The following KLHL28 variants were observed in gnomAD, a reference collection of about 807,000 sequenced individuals.
KLHL28 encodes kelch like family member 28, also known as kelch-like protein 28.
A neutral mutation model predicts 48.3 loss-of-function variants in KLHL28; 22 were observed. The observed-to-expected ratio is 0.46, with a 90% CI of 0.33 to 0.65. The LOEUF is 0.65. Among genes scored for constraint, KLHL28 ranks in the 30% least tolerant of loss-of-function variants. The pLI is 0.03. For synonymous variants in KLHL28, 243 were observed against 242.4 expected (o/e 1.00, Z -0.02); for missense variants, 527 against 704.3 (o/e 0.75, Z 2.85).
intron 2 of KLHL28, among the ~76,000 whole-genome samples, chr14:44,938,592 A>C (rs900992908): frequency 6.6e-6 from 1 of 152,154 alleles, no homozygotes; most frequent in Non-Finnish European, 1.5e-5. Context: ...GGATGGTCTC[A>C]ATCTCCTGAC....
intron 1 of KLHL28, among the ~76,000 whole-genome samples, chr14:44,948,908 G>A (rs1480090285): frequency 2.6e-5 from 4 of 151,884 alleles, no homozygotes; most frequent in East Asian, 1.9e-4. Flanking sequence ...TCAATTATAC[G>A]TGTTGCTCTG....
intron 2 of KLHL28, among the ~76,000 whole-genome samples, chr14:44,942,844 G>T: frequency 6.6e-6 from 1 of 152,116 alleles, no homozygotes; most frequent in South Asian, 2.1e-4. Flanking sequence ...TATCTTGATC[G>T]TTGCATAAAC....
In KLHL28 at chr14:44,934,351, T is replaced by C. The variant is rs929674858; in HGVS notation, c.1107A>G (p.Leu369=). ...WNPDTNTWTS[L]ERMNESRSTL... ...TACTTCGGCTTTCATTCATTCTCTC[T>C]AGAGAAGTCCAAGTATTTGTATCAG... Residue 369 remains leucine, a synonymous_variant, in exon 3 of 5, where the codon CTA becomes CTG. Coordinates refer to ENST00000396128, the MANE Select transcript of KLHL28 (RefSeq NM_017658.5). 1 of 1,614,100 alleles carries C rather than the reference T, an allele frequency of 6.2e-7. No individual in the cohort carries two copies. The highest frequency in any genetic ancestry group is 8.5e-7 in the Non-Finnish European group (1 of 1,179,956).
intron 2 of KLHL28, among the ~76,000 whole-genome samples, chr14:44,941,187 CT>C (rs1884058412): frequency 6.6e-6 from 1 of 152,168 alleles, no homozygotes; most frequent in Admixed American, 6.5e-5. Context: ...AAAACTTCCC[CT>C]GATGCTATCA....
chr14:44,935,051 G>T (rs1046563036), intron 2 of KLHL28, among the ~76,000 whole-genome samples: 2 of 152,104 alleles, frequency 1.3e-5, no homozygotes, highest in African/African-American at 4.8e-5. Context: ...AGTATTATTT[G>T]TAACAGCTCC....
At position 44,926,806 on chromosome 14, in the gene KLHL28, C is replaced by T. The variant is rs964595746; in HGVS notation, c.*2222G>A. 1.3e-5 allele frequency: 2 copies of T among 152,264 alleles called. No homozygotes were observed. Among genetic ancestry groups the T allele is most frequent in the East Asian group, 3.9e-4 (2 of 5,184 alleles). The allele number at this position is 152,264 out of a possible 1,614,324, so 9.4% of individuals were successfully genotyped here. Reference sequence around the variant, plus strand: ...TACAGGCGTGAGCCACTGCGCCCGTCCTAAAATCATTTTCCACAGTCTTTC... The same window carrying T: ...TACAGGCGTGAGCCACTGCGCCCGTTCTAAAATCATTTTCCACAGTCTTTC... On this transcript the variant is annotated 3_prime_UTR_variant, in exon 5 of 5. Coordinates refer to ENST00000396128, the MANE Select transcript of KLHL28 (RefSeq NM_017658.5).
At chr14:44,932,114 C>T (rs767488600) in intron 3 of KLHL28, among the ~76,000 whole-genome samples, 8 of 151,126 alleles carry the variant, frequency 5.3e-5, no homozygotes, top group East Asian at 2.0e-4. Flanking sequence ...CCTCAAATTC[C>T]GGGGCTAAAG....
intron 2 of KLHL28, among the ~76,000 whole-genome samples, chr14:44,940,926 CCT>C (rs1368724144): frequency 3.9e-5 from 6 of 152,014 alleles, no homozygotes; most frequent in Non-Finnish European, 5.9e-5. Flanking sequence ...ATGGTGAAAC[CCT>C]GTTTCTACCC....
At chr14:44,942,606 T>G (rs1471815448) in intron 2 of KLHL28, among the ~76,000 whole-genome samples, 2 of 152,176 alleles carry the variant, frequency 1.3e-5, no homozygotes, top group Non-Finnish European at 2.9e-5. Context: ...TTGACACTTC[T>G]TGGTTAGAAC....
At chr14:44,933,486 C>G (rs929355627) in intron 3 of KLHL28, among the ~76,000 whole-genome samples, 2 of 151,796 alleles carry the variant, frequency 1.3e-5, no homozygotes, top group Non-Finnish European at 2.9e-5. Flanking sequence ...AAAGATAAAA[C>G]CTTTGGAACA....
At chr14:44,946,036 C>T (rs1884321615) in intron 1 of KLHL28, 108 bp from the exon 2 acceptor site, 1 of 918,502 alleles carries the variant, frequency 1.1e-6, no homozygotes, top group Non-Finnish European at 1.6e-6. Context: ...TTTGTCTGTT[C>T]ATTGGTTTTT....
chr14:44,940,270 A>G (rs1022923592), intron 2 of KLHL28, among the ~76,000 whole-genome samples: 32 of 152,170 alleles, frequency 2.1e-4, no homozygotes, highest in Admixed American at 6.5e-5. Flanking sequence ...ATCTCTTAAC[A>G]TTGTTCCAAC....
intron 1 of KLHL28, among the ~76,000 whole-genome samples, chr14:44,955,128 G>A (rs115193922): frequency 1.0e-3 from 154 of 151,814 alleles, no homozygotes; most frequent in African/African-American, 3.6e-3. Context: ...AGAAGGTAAC[G>A]ACATAACACT....
At chr14:44,934,659 A>T (rs2138591809) in intron 2 of KLHL28, 101 bp from the exon 3 acceptor site, 1 of 890,616 alleles carries the variant, frequency 1.1e-6, no homozygotes. Context: ...AAAAATTAAA[A>T]GCACAATAAA....
intron 1 of KLHL28, among the ~76,000 whole-genome samples, chr14:44,956,201 T>A (rs1884788154): frequency 6.6e-6 from 1 of 152,190 alleles, no homozygotes; most frequent in South Asian, 2.1e-4. Context: ...TCTTAAGCGA[T>A]CCTCCCACCT....
At chr14:44,950,154 C>T (rs553785418) in intron 1 of KLHL28, among the ~76,000 whole-genome samples, 6 of 152,180 alleles carry the variant, frequency 3.9e-5, no homozygotes, top group Admixed American at 1.3e-4. Flanking sequence ...GAGGATTAAA[C>T]GAGTTTATAC....
chr14:44,934,052 T>C, intron 3 of KLHL28, 63 bp downstream of exon 3: 1 of 1,316,868 alleles, frequency 7.6e-7, no homozygotes, highest in East Asian at 2.4e-5. Flanking sequence ...AACTCAGAAA[T>C]CATTGCTAAT....
chr14:44,942,482 T>C (rs1884142931), intron 2 of KLHL28, among the ~76,000 whole-genome samples: 1 of 152,070 alleles, frequency 6.6e-6, no homozygotes, highest in Non-Finnish European at 1.5e-5. Flanking sequence ...ATGATACAAA[T>C]CTAATAATTT....
In KLHL28 at chr14:44,926,738, C is replaced by G. The variant is rs1883385299; in HGVS notation, c.*2290G>C. The G allele has an allele frequency of 6.6e-6, 1 of 152,186 alleles. No individual in the cohort carries two copies. The highest frequency in any genetic ancestry group is 6.6e-5 in the Admixed American group (1 of 15,260). 9.4% of individuals were successfully genotyped at this position (152,186 alleles called of 1,614,324 possible). A position where few individuals can be genotyped will look rare whatever the true frequency, so the allele number is the denominator to read the frequency against. ...GGCCAGGCTGGTCTCGAACTCCTGA[C>G]CTCAGGTGATATACCCGCCTTGGCC... On this transcript the variant is annotated 3_prime_UTR_variant, in exon 5 of 5. Transcript: ENST00000396128.
Sources: gnomAD v4.1 joint callset for allele counts (sites outside exome capture counted in the v4.1 genomes callset) on GRCh38, gnomAD v4.1.1 for gene constraint, MANE v1.5 for transcripts, NCBI Gene and HGNC (gene_info 2026-07-23, HGNC 2026-07-21) for gene names.